The following SLC35G2 variants were observed in gnomAD, a reference collection of about 807,000 sequenced individuals.
SLC35G2 encodes solute carrier family 35 member G2, also known as transmembrane protein 22.
SLC35G2 carries 20 observed loss-of-function variants against 27.2 expected under a neutral mutation model. That is an observed-to-expected ratio of 0.74 (90% CI 0.52 to 1.07). The LOEUF (loss-of-function observed/expected upper bound fraction) is 1.07, where lower values mean the gene tolerates loss of function less well. Ranked by LOEUF, SLC35G2 falls within the 50% of genes least tolerant of loss-of-function variation. The pLI, the probability that SLC35G2 is intolerant of heterozygous loss-of-function variation, is 0.00. For synonymous variants in SLC35G2, 148 were observed against 165.3 expected, an observed-to-expected ratio of 0.90 and a Z score of 0.80; for missense variants, 416 against 493.3, an observed-to-expected ratio of 0.84 and a Z score of 1.48.
chr3:136,819,135 A>ACG lies in SLC35G2; in HGVS notation c.-512_-511insCG, dbSNP rs1560007517. On this transcript the variant is annotated 5_prime_UTR_variant, in exon 1 of 2. Transcript: ENST00000446465. ...CCTCTCCCTCCGCAGTACTCCGGGC[A>ACG]GCGCCCGCCTCGATTTTCCCAGGCG... is the stretch of plus-strand genomic sequence containing the variant. The ACG allele has an allele frequency of 1.3e-5, 2 of 151,716 alleles. No homozygotes were observed. Among genetic ancestry groups the ACG allele is most frequent in the African/African-American group, 4.8e-5 (2 of 41,332 alleles). The allele number at this position is 151,716 out of a possible 1,614,324, so 9.4% of individuals were successfully genotyped here.
chr3:136,846,429 T>C (rs1937381574), intron 1 of SLC35G2: 1 of 152,268 alleles, frequency 6.6e-6, no homozygotes, highest in African/African-American at 2.4e-5. Flanking sequence ...CATTTGTAGC[T>C]AAGCAGGCTA....
intron 1 of SLC35G2, among the ~76,000 whole-genome samples, chr3:136,829,073 A>G (rs1013236172): frequency 6.6e-6 from 1 of 152,154 alleles, no homozygotes. Flanking sequence ...CTTTACATCT[A>G]TTGTACTGTC....
chr3:136,852,638 A>G (rs9817118), intron 1 of SLC35G2, among the ~76,000 whole-genome samples: 103,754 of 151,374 alleles, frequency 0.69, 35,801 homozygotes, highest in East Asian at 0.87. Flanking sequence ...GATTACAGGC[A>G]CCTGCCACCA....
intron 1 of SLC35G2, chr3:136,838,091 C>G (rs1010990203): frequency 6.6e-6 from 1 of 151,982 alleles, no homozygotes; most frequent in Admixed American, 6.6e-5. Context: ...AGTGATCTGC[C>G]TCCCGAAGTG....
At chr3:136,837,313 C>T (rs1409636042) in intron 1 of SLC35G2, 1 of 152,124 alleles carries the variant, frequency 6.6e-6, no homozygotes, top group Non-Finnish European at 1.5e-5. Context: ...ACAGAAGGCA[C>T]AGAAATAAAA....
intron 1 of SLC35G2, among the ~76,000 whole-genome samples, chr3:136,847,311 C>T (rs188147058): frequency 6.6e-6 from 1 of 152,314 alleles, no homozygotes; most frequent in East Asian, 1.9e-4. Context: ...TCTGTGGACT[C>T]TAAGTCCCAA....
intron 1 of SLC35G2, among the ~76,000 whole-genome samples, chr3:136,850,294 G>T (rs535479863): frequency 9.9e-5 from 15 of 152,074 alleles, no homozygotes; most frequent in Non-Finnish European, 2.9e-5. Context: ...CACATCGGTC[G>T]ACTTACCCTC....
intron 1 of SLC35G2, among the ~76,000 whole-genome samples, chr3:136,850,821 C>T (rs985102143): frequency 6.6e-6 from 1 of 152,012 alleles, no homozygotes; most frequent in Non-Finnish European, 1.5e-5. Flanking sequence ...TGGCAAAACC[C>T]TGTCTCTACA....
rs1937985754 is a variant in SLC35G2, at chr3:136,855,686, C to T, written c.1226C>T (p.Ser409Phe). Residue 409 changes from serine to phenylalanine, a missense_variant, in exon 2 of 2, where the codon TCT (serine) becomes TTT (phenylalanine). Physicochemically the swap from Ser to Phe is radical, Grantham distance 155 (BLOSUM62 -2). Transcript: ENST00000446465. Reference protein sequence around the residue: ...RKQDYQEILDSPIK With the variant: ...RKQDYQEILDFPIK ...CAGGACTACCAGGAAATACTAGACT[C>T]TCCCATTAAATGAATACCTGATTAT... 1 of 1,598,218 alleles carries T rather than the reference C, an allele frequency of 6.3e-7. No homozygotes were observed.
At chr3:136,829,091 T>G (rs757622826) in intron 1 of SLC35G2, among the ~76,000 whole-genome samples, 23 of 152,254 alleles carry the variant, frequency 1.5e-4, no homozygotes, top group Admixed American at 1.0e-3. Flanking sequence ...GTCTACGTCT[T>G]GAAAATTTAT....
intron 1 of SLC35G2, among the ~76,000 whole-genome samples, chr3:136,828,278 C>G (rs11924477): frequency 0.68 from 103,447 of 152,118 alleles, 35,461 homozygotes; most frequent in East Asian, 0.87. Flanking sequence ...TGCAGATTAA[C>G]TCCAATGTTT....
chr3:136,855,421 C>G lies in SLC35G2; in HGVS notation c.961C>G (p.Leu321Val), dbSNP rs890426120. The change falls in exon 2 of 2, where the codon CTC becomes GTC. Residue 321 changes from leucine (L) to valine (V), a missense_variant. Leu to Val is a conservative substitution (Grantham distance 32). Coordinates refer to ENST00000446465, the MANE Select transcript of SLC35G2 (RefSeq NM_025246.3). ...IPLDGETWSYLIAICVCSTAA... is the reference protein window; with the variant it reads ...IPLDGETWSYVIAICVCSTAA... ...ATTAGATGGAGAAACCTGGAGTTATCTCATTGCTATATGTGTCTGTTCTAC... is the reference window on the plus strand; with the variant it reads ...ATTAGATGGAGAAACCTGGAGTTATGTCATTGCTATATGTGTCTGTTCTAC... 3 of 1,614,044 alleles carry G rather than the reference C, an allele frequency of 1.9e-6. No individual in the cohort carries two copies. The highest frequency in any genetic ancestry group is 3.3e-5 in the Admixed American group (2 of 59,998).
At chr3:136,845,929 G>A (rs1166898993) in intron 1 of SLC35G2, among the ~76,000 whole-genome samples, 6 of 151,778 alleles carry the variant, frequency 4.0e-5, no homozygotes, top group African/African-American at 7.3e-5. Context: ...TTACTTTTAT[G>A]TGTCCACTTG....
chr3:136,819,703 T>C (rs1301829960), intron 1 of SLC35G2, 75 bp downstream of exon 1: 2 of 152,262 alleles, frequency 1.3e-5, no homozygotes, highest in Non-Finnish European at 2.9e-5. Flanking sequence ...TTTAGAAATA[T>C]GGCCAAGAAT....
chr3:136,845,304 A>G (rs1344024724), intron 1 of SLC35G2, among the ~76,000 whole-genome samples: 1 of 152,234 alleles, frequency 6.6e-6, no homozygotes, highest in Non-Finnish European at 1.5e-5. Context: ...ATGGTGGTAA[A>G]TAAGCTCTTG....
At chr3:136,826,703 C>T (rs911125908) in intron 1 of SLC35G2, among the ~76,000 whole-genome samples, 8 of 151,934 alleles carry the variant, frequency 5.3e-5, no homozygotes, top group African/African-American at 1.4e-4. Flanking sequence ...GTGGTGCAGT[C>T]GTGATGCACT....
At chr3:136,836,559 T>C (rs1936876842) in intron 1 of SLC35G2, among the ~76,000 whole-genome samples, 1 of 152,198 alleles carries the variant, frequency 6.6e-6, no homozygotes, top group Non-Finnish European at 1.5e-5. Context: ...AAACAGCTTC[T>C]GTGAAAATGC....
rs1937917471 is a variant in SLC35G2, at chr3:136,854,978, T to TATGCAATGTC, written c.521_530dup (p.Ile177MetfsTer43). The TATGCAATGTC allele has an allele frequency of 6.8e-6, 11 of 1,614,224 alleles. 1 individual carries two copies. Among genetic ancestry groups the TATGCAATGTC allele is most frequent in the Middle Eastern group, 1.6e-4 (1 of 6,062 alleles). On this transcript the variant is annotated frameshift_variant, in exon 2 of 2. Coordinates refer to ENST00000446465, the MANE Select transcript of SLC35G2 (RefSeq NM_025246.3). LOFTEE classifies it high-confidence loss of function. The stretch of plus-strand genomic sequence containing the variant: ...AGATTACGACTCTTCTTTTATGGTG[T>TATGCAATGTC]ATGCAATGTCATTTCTATCACTTGT...
At chr3:136,840,922 C>T (rs1937064726) in intron 1 of SLC35G2, among the ~76,000 whole-genome samples, 1 of 142,994 alleles carries the variant, frequency 7.0e-6, no homozygotes, top group African/African-American at 2.6e-5. Context: ...TGTGCCTGGC[C>T]CTTTTTTTTT....
Sources: gnomAD v4.1 joint callset for allele counts (sites outside exome capture counted in the v4.1 genomes callset) on GRCh38, gnomAD v4.1.1 for gene constraint, MANE v1.5 for transcripts, NCBI Gene and HGNC (gene_info 2026-07-23, HGNC 2026-07-21) for gene names.